Variants in VPS8 observed in about 807,000 individuals in gnomAD.
VPS8 encodes VPS8 subunit of CORVET complex.
A neutral mutation model predicts 216.4 loss-of-function variants in VPS8; 129 were observed. That is an observed-to-expected ratio of 0.60 (90% CI 0.52 to 0.69). The LOEUF is 0.69. VPS8 is among the 30% of genes least tolerant of loss of function. The pLI, the probability that VPS8 is intolerant of heterozygous loss-of-function variation, is 0.00. For synonymous variants in VPS8, 571 were observed against 565.4 expected (o/e 1.01, Z -0.14); for missense variants, 1,531 against 1,683.5 (o/e 0.91, Z 1.59).
intron 14 of VPS8, among the ~76,000 whole-genome samples, chr3:184,858,789 G>A (rs1244172067): frequency 6.6e-6 from 1 of 152,098 alleles, no homozygotes; most frequent in Non-Finnish European, 1.5e-5. Flanking sequence ...AAAAACTATT[G>A]CCATGACCTT....
At chr3:184,922,034 C>G (rs1303926244) in intron 29 of VPS8, among the ~76,000 whole-genome samples, 1 of 151,684 alleles carries the variant, frequency 6.6e-6, no homozygotes, top group East Asian at 1.9e-4. Flanking sequence ...GTCATCCTAC[C>G]CCACACACCT....
chr3:185,034,922 A>G lies in VPS8; in HGVS notation c.4056+10533A>G, dbSNP rs563587211. Among the ~76,000 whole-genome samples, 3 of 152,180 alleles carry G rather than the reference A, an allele frequency of 2.0e-5. No individual in the cohort carries two copies. In the South Asian group the frequency reaches 6.2e-4, roughly 32 times the overall value. On this transcript the variant is annotated intron_variant, in intron 46 of 47. Coordinates refer to ENST00000625842, the MANE Select transcript of VPS8 (RefSeq NM_001009921.3). ...CAGAAATGACAAAGATGACACCACA[A>G]CCGATCCCACAGAAATAGAAAAGAC... is the stretch of plus-strand genomic sequence containing the variant.
intron 23 of VPS8, among the ~76,000 whole-genome samples, chr3:184,896,159 A>T (rs1361300572): frequency 1.3e-5 from 2 of 151,956 alleles, no homozygotes; most frequent in Admixed American, 1.3e-4. Context: ...GTAAAGCCAG[A>T]TCCTGTTTTA....
chr3:184,966,644 A>T, intron 38 of VPS8, 27 bp from the exon 39 acceptor site: 1 of 1,512,574 alleles, frequency 6.6e-7, no homozygotes, highest in Non-Finnish European at 9.0e-7. Flanking sequence ...GTTCCTTTTT[A>T]ACTCCTATGT....
rs1553902230 is a variant in VPS8 at position 185,004,906 on chromosome 3, T to TTTA, written c.4002+5047_4002+5048insATT. Among the ~76,000 whole-genome samples, 66 of 151,044 alleles carry TTTA rather than the reference T, an allele frequency of 4.4e-4. 1 individual carries two copies. Among genetic ancestry groups the TTTA allele is most frequent in the Admixed American group, 4.2e-3 (64 of 15,134 alleles). ...TTTATTTGGTTTTTTTTGTTTTGTT[T>TTTA]TTTATTTATTTATTTATTTATTTTT... On this transcript the variant is annotated intron_variant, in intron 45 of 47. Coordinates refer to ENST00000625842, the MANE Select transcript of VPS8 (RefSeq NM_001009921.3).
At chr3:184,828,658 C>G (rs926384382) in intron 3 of VPS8, among the ~76,000 whole-genome samples, 2 of 152,172 alleles carry the variant, frequency 1.3e-5, no homozygotes, top group African/African-American at 2.4e-5. Flanking sequence ...TTGACCCTTT[C>G]TAATCTCCCA....
At chr3:185,036,826 G>A (rs1758972819) in intron 46 of VPS8, among the ~76,000 whole-genome samples, 1 of 151,690 alleles carries the variant, frequency 6.6e-6, no homozygotes, top group Non-Finnish European at 1.5e-5. Flanking sequence ...GCAACAATAG[G>A]TTGTTGTAAT....
intron 44 of VPS8, among the ~76,000 whole-genome samples, chr3:184,997,012 C>A (rs980369453): frequency 2.0e-5 from 3 of 152,174 alleles, no homozygotes; most frequent in Non-Finnish European, 4.4e-5. Context: ...TTTTGTCTTG[C>A]ACGTGTTAGG....
chr3:184,968,837 A>C (rs1046413993), intron 39 of VPS8, among the ~76,000 whole-genome samples: 1 of 152,206 alleles, frequency 6.6e-6, no homozygotes, highest in African/African-American at 2.4e-5. Context: ...TCCTTGGTCC[A>C]CGCATTTCAC....
intron 25 of VPS8, among the ~76,000 whole-genome samples, chr3:184,906,410 GGATA>G (rs1735505866): frequency 6.6e-6 from 1 of 152,132 alleles, no homozygotes; most frequent in Admixed American, 6.5e-5. Flanking sequence ...TTCTGTTGTT[GGATA>G]GAGTGTTACA....
intron 1 of VPS8, among the ~76,000 whole-genome samples, chr3:184,819,246 A>AG (rs140589118): frequency 0.024 from 3,609 of 152,288 alleles, 128 homozygotes; most frequent in African/African-American, 0.082. Flanking sequence ...CACTCAGAAG[A>AG]GACAGCATAC....
intron 4 of VPS8, 144 bp downstream of exon 4, chr3:184,832,963 G>A (rs1164990308): frequency 9.9e-7 from 1 of 1,012,260 alleles, no homozygotes; most frequent in South Asian, 1.8e-5. Flanking sequence ...GAAAATTTTG[G>A]TACCATTAAG....
At chr3:184,920,499 A>G (rs560270828) in intron 29 of VPS8, among the ~76,000 whole-genome samples, 83 of 152,350 alleles carry the variant, frequency 5.4e-4, no homozygotes, top group Non-Finnish European at 9.0e-4. Context: ...CTAACTTCAG[A>G]GTGCTTTGAG....
chr3:185,008,212 GC>G (rs1242686866), intron 45 of VPS8, among the ~76,000 whole-genome samples: 9 of 152,186 alleles, frequency 5.9e-5, no homozygotes, highest in Admixed American at 4.6e-4. Flanking sequence ...TAATATAAAT[GC>G]AGCATTTTGA....
rs753900753 is a variant in VPS8, at chr3:184,929,642, A to G, written c.2777A>G (p.Tyr926Cys). The change falls in exon 33 of 48, where the codon TAC becomes TGC. Residue 926 changes from tyrosine (Y) to cysteine (C), a missense_variant. Tyr to Cys is a radical substitution (Grantham distance 194, BLOSUM62 -2). Coordinates refer to ENST00000625842, the MANE Select transcript of VPS8 (RefSeq NM_001009921.3). The part of the protein sequence containing the change: ...EHQYDKIIDC[Y>C]LRDPLREEEV... ...CAATATGATAAAATTATTGATTGCT[A>G]CTTACGTGACCCTCTGCGAGAGGTG... is the stretch of plus-strand genomic sequence containing the variant. 2.6e-6 allele frequency: 4 copies of G among 1,525,582 alleles called. No individual in the cohort carries two copies. Among genetic ancestry groups the G allele is most frequent in the South Asian group, 1.2e-5 (1 of 80,690 alleles). The allele number at this position is 1,525,582 out of a possible 1,614,324, so 94.5% of individuals were successfully genotyped here. A position where few individuals can be genotyped will look rare whatever the true frequency, so the allele number is the denominator to read the frequency against.
Position 184,824,609 on chromosome 3 carries a change from T to C in VPS8, c.-24T>C. On this transcript the variant is annotated 5_prime_UTR_variant, in exon 2 of 48. An upstream open reading frame in the 5' UTR loses its in-frame stop. Transcript: ENST00000625842. ...ACAAAAAACACTTGCTTTGATGGAC[T>C]GAATACTGTTATTAGAAGTAAATAT... 1 of 1,607,788 alleles carries C rather than the reference T, an allele frequency of 6.2e-7. No homozygotes were observed. The highest frequency in any genetic ancestry group is 1.3e-5 in the African/African-American group (1 of 74,626).
intron 42 of VPS8, among the ~76,000 whole-genome samples, chr3:184,987,620 A>G (rs1460086289): frequency 6.6e-6 from 1 of 152,080 alleles, no homozygotes; most frequent in Non-Finnish European, 1.5e-5. Context: ...AGTTTTGTCT[A>G]TCCACATACC....
intron 30 of VPS8, 138 bp downstream of exon 30, chr3:184,925,119 A>T (rs1739346921): frequency 3.4e-6 from 4 of 1,171,408 alleles, no homozygotes; most frequent in Middle Eastern, 4.1e-4. Flanking sequence ...TTTTGGATCT[A>T]AGTTAGGGGG....
chr3:184,862,823 C>G (rs1726619581), intron 15 of VPS8, 74 bp from the exon 16 acceptor site: 1 of 1,479,938 alleles, frequency 6.8e-7, no homozygotes, highest in African/African-American at 1.4e-5. Flanking sequence ...ATCGAGCAGC[C>G]AAGCTTTCTT....
Sources: allele counts gnomAD v4.1 joint callset (sites outside exome capture counted in the v4.1 genomes callset), GRCh38; gene constraint gnomAD v4.1.1; transcripts MANE v1.5; gene names NCBI Gene and HGNC (gene_info 2026-07-23, HGNC 2026-07-21).